The following TNIP2 variants were observed in gnomAD, a reference collection of about 807,000 sequenced individuals.
The protein encoded by TNIP2 is TNFAIP3 interacting protein 2, also known as TNFAIP3-interacting protein 2.
TNIP2 carries 30 observed loss-of-function variants against 43.7 expected under a neutral mutation model. That is an observed-to-expected ratio of 0.69 (90% CI 0.51 to 0.93). The LOEUF (loss-of-function observed/expected upper bound fraction) is 0.93. Ranked by LOEUF, TNIP2 falls within the 40% of genes least tolerant of loss-of-function variation. The probability of loss-of-function intolerance (pLI) is 0.00; values close to 1 mark genes in which losing one functional copy is unlikely to be tolerated. For missense variants in TNIP2, 599 were observed against 591.0 expected, an observed-to-expected ratio of 1.01 and a Z score of -0.14; for synonymous variants, 260 against 254.6, an observed-to-expected ratio of 1.02 and a Z score of -0.20.
At chr4:2,752,676 C>A (rs951012870) in intron 1 of TNIP2, among the ~76,000 whole-genome samples, 1 of 152,230 alleles carries the variant, frequency 6.6e-6, no homozygotes, top group Admixed American at 6.5e-5. Context: ...TGACAAACCT[C>A]TCCATTCTTC....
At chr4:2,745,057 C>A (rs1265774709) in intron 3 of TNIP2, 112 bp from the exon 4 acceptor site, 2 of 1,381,714 alleles carry the variant, frequency 1.4e-6, no homozygotes, top group African/African-American at 1.4e-5. Flanking sequence ...AGAGTTTCCT[C>A]TTAAATGGAA....
At chr4:2,752,846 C>A (rs904536799) in intron 1 of TNIP2, among the ~76,000 whole-genome samples, 1 of 152,100 alleles carries the variant, frequency 6.6e-6, no homozygotes, top group Non-Finnish European at 1.5e-5. Context: ...GAGTTTGAGA[C>A]CAGCTTGGGC....
At position 2,744,553 on chromosome 4, in the gene TNIP2, G is replaced by GCC; in HGVS notation, c.907-49_907-48dup. 6.2e-7 allele frequency: 1 copy of GCC among 1,611,210 alleles called. No homozygotes were observed. The highest frequency in any genetic ancestry group is 8.5e-7 in the Non-Finnish European group (1 of 1,178,650). Reference sequence around the variant, plus strand: ...ATTTCTGCTCAAGGAAGGAGGAAGCGCCCCACCAGGCTTCTCCCACCCCCA... The same window carrying GCC: ...ATTTCTGCTCAAGGAAGGAGGAAGCGCCCCCCACCAGGCTTCTCCCACCCCCA... On this transcript the variant is annotated intron_variant, in intron 4 of 5. Transcript: ENST00000315423. This position sits in a 1 kb window ranked among gnomAD's most constrained non-coding sequence, Gnocchi z 5.1.
chr4:2,746,691 C>T (rs992890338), intron 2 of TNIP2, among the ~76,000 whole-genome samples: 3 of 152,244 alleles, frequency 2.0e-5, no homozygotes, highest in Admixed American at 1.3e-4. Flanking sequence ...AACCTTGGTG[C>T]TGCCTCAGAG....
chr4:2,743,390 G>A lies in TNIP2; in HGVS notation c.1027-870C>T, dbSNP rs140081494. Among the ~76,000 whole-genome samples the A allele has an allele frequency of 9.2e-5, 14 of 152,280 alleles. No individual in the cohort carries two copies. The East Asian group carries it at 2.1e-3, about 23-fold the overall frequency. On this transcript the variant is annotated intron_variant, in intron 5 of 5. Transcript: ENST00000315423. ...AGAGGCGGCCTGAGACCATCCTCAC[G>A]ATTGTACCAATAGTGCTCCTTCAAT...
At chr4:2,748,405 C>T (rs947710842) in intron 1 of TNIP2, among the ~76,000 whole-genome samples, 1 of 151,962 alleles carries the variant, frequency 6.6e-6, no homozygotes, top group African/African-American at 2.4e-5. Flanking sequence ...TGCAGTGGAG[C>T]GATCTCAGCT....
At chr4:2,751,694 G>A (rs1471125702) in intron 1 of TNIP2, among the ~76,000 whole-genome samples, 1 of 150,900 alleles carries the variant, frequency 6.6e-6, no homozygotes, top group Non-Finnish European at 1.5e-5. Flanking sequence ...GATCACTTAA[G>A]CCCAGGAGGT....
Position 2,747,806 on chromosome 4 carries a change from G to A in TNIP2, c.416C>T (p.Ala139Val), listed in dbSNP as rs751268238. The A allele has an allele frequency of 7.4e-6, 12 of 1,612,818 alleles. No individual in the cohort carries two copies. The highest frequency in any genetic ancestry group is 9.3e-6 in the Non-Finnish European group (11 of 1,180,044). Residue 139 changes from alanine to valine, a missense_variant, in exon 2 of 6, where the codon GCC becomes GTC. Physicochemically the swap from Ala to Val is moderately conservative, Grantham distance 64 (BLOSUM62 0). Transcript: ENST00000315423. ...SMAEGERARAASDVLCRSLAN... is the reference protein window; with the variant it reads ...SMAEGERARAVSDVLCRSLAN... ...CAAGGAGCGGCACAGGACGTCACTG[G>A]CGGCCCGGGCGCGCTCCCCTTCTGC... is the stretch of plus-strand genomic sequence containing the variant.
chr4:2,742,293 T>C lies in TNIP2; in HGVS notation c.1254A>G (p.Glu418=). ...CLQCFSDEQG[E]ELLRHVAECC... is the part of the protein sequence containing the mutation. ...ACTCAGCCACATGCCTGAGGAGCTCTTCCCCTTGCTCGTCACTGAAGCACT... is the reference window on the plus strand; with the variant it reads ...ACTCAGCCACATGCCTGAGGAGCTCCTCCCCTTGCTCGTCACTGAAGCACT... Residue 418 remains glutamate, a synonymous_variant, in exon 6 of 6, where the codon GAA becomes GAG. Transcript: ENST00000315423. 1 of 1,514,562 alleles carries C rather than the reference T, an allele frequency of 6.6e-7. No individual in the cohort carries two copies. Among genetic ancestry groups the C allele is most frequent in the Non-Finnish European group, 8.9e-7 (1 of 1,126,854 alleles). The allele number at this position is 1,514,562 out of a possible 1,614,324, so 93.8% of individuals were successfully genotyped here.
chr4:2,753,728 T>C (rs1475515113), intron 1 of TNIP2, among the ~76,000 whole-genome samples: 2 of 152,224 alleles, frequency 1.3e-5, no homozygotes, highest in Non-Finnish European at 2.9e-5. Context: ...TCCGGGTCCT[T>C]GGTCTGTACT....
At chr4:2,746,340 G>C (rs1015973161) in intron 2 of TNIP2, among the ~76,000 whole-genome samples, 1 of 152,214 alleles carries the variant, frequency 6.6e-6, no homozygotes, top group African/African-American at 2.4e-5. Context: ...GGGCTGAGAA[G>C]TGACACTTAT....
chr4:2,755,840 C>G, intron 1 of TNIP2, 174 bp downstream of exon 1: 1 of 931,196 alleles, frequency 1.1e-6, no homozygotes, highest in Non-Finnish European at 1.4e-6. Flanking sequence ...ACCCCCTCAA[C>G]TCCCAGGACC....
intron 2 of TNIP2, among the ~76,000 whole-genome samples, chr4:2,746,824 C>T (rs186553057): frequency 1.3e-5 from 2 of 152,374 alleles, no homozygotes; most frequent in South Asian, 2.1e-4. Context: ...ACACAGACCA[C>T]CACAAGCACC....
At position 2,748,773 on chromosome 4, in the gene TNIP2, C is replaced by T. The variant is rs530462186; in HGVS notation, c.277-828G>A. Among the ~76,000 whole-genome samples the T allele has an allele frequency of 4.0e-5, 6 of 149,790 alleles. No homozygotes were observed. The South Asian group carries it at 8.4e-4, about 21-fold the overall frequency. ...CCTCCCAAAGTACTGGGATTATAGG[C>T]GTGAGCCACTGCGCCCAGCAATTTT... On this transcript the variant is annotated intron_variant, in intron 1 of 5. Coordinates refer to ENST00000315423, the MANE Select transcript of TNIP2 (RefSeq NM_024309.4).
At position 2,742,458 on chromosome 4, in the gene TNIP2, G is replaced by A. The variant is rs745785437; in HGVS notation, c.1089C>T (p.Ala363=). The A allele has an allele frequency of 1.6e-5, 26 of 1,609,966 alleles. No homozygotes were observed. Among genetic ancestry groups the A allele is most frequent in the Admixed American group, 6.7e-5 (4 of 59,508 alleles). Residue 363 remains alanine, a synonymous_variant, in exon 6 of 6, where the codon GCC becomes GCT. Coordinates refer to ENST00000315423, the MANE Select transcript of TNIP2 (RefSeq NM_024309.4). ...HAGSKTAKYL[A]ADALELMVPG... ...GCACCATAAGCTCTAATGCGTCGGC[G>A]GCCAAATACTTGGCAGTTTTGCTCC...
At position 2,747,649 on chromosome 4, in the gene TNIP2, G is replaced by C. The variant is rs1483396515; in HGVS notation, c.567+6C>G. The C allele has an allele frequency of 1.0e-5, 16 of 1,593,006 alleles. No individual in the cohort carries two copies. Among genetic ancestry groups the C allele is most frequent in the Non-Finnish European group, 1.4e-5 (16 of 1,175,696 alleles). On this transcript the variant is annotated splice_donor_region_variant and intron_variant, in intron 2 of 5. Transcript: ENST00000315423. ...TTCCCCACACTCTGCTTACACTGTGGCCTACCTGGTCAGGACTTCTCTCCC... is the reference window on the plus strand; with the variant it reads ...TTCCCCACACTCTGCTTACACTGTGCCCTACCTGGTCAGGACTTCTCTCCC...
At chr4:2,743,841 G>A (rs1293524349) in intron 5 of TNIP2, among the ~76,000 whole-genome samples, 1 of 152,166 alleles carries the variant, frequency 6.6e-6, no homozygotes, top group Non-Finnish European at 1.5e-5. Context: ...AGAGGCCATG[G>A]GTCACACACT....
chr4:2,745,215 C>T (rs1049336879), intron 3 of TNIP2: 1 of 605,582 alleles, frequency 1.7e-6, no homozygotes, highest in African/African-American at 1.9e-5. Context: ...CTGCTGCTAA[C>T]TCTTGCATCT....
At position 2,756,194 on chromosome 4, in the gene TNIP2, G is replaced by A. The variant is rs1043806932; in HGVS notation, c.96C>T (p.Arg32=). 3 of 1,475,666 alleles carry A rather than the reference G, an allele frequency of 2.0e-6. No homozygotes were observed. Among genetic ancestry groups the A allele is most frequent in the South Asian group, 2.6e-5 (2 of 78,100 alleles). The allele number at this position is 1,475,666 out of a possible 1,614,324, so 91.4% of individuals were successfully genotyped here. ...GGGCAGCGAGCTGGTCCTGCAGGCG[G>A]CGCAGCCGCTGTCCGGCCTCGTGGT... ...TLYHEAGQRL[R]RLQDQLAARD... is the part of the protein sequence containing the mutation. The change falls in exon 1 of 6, where the codon CGC becomes CGT. Residue 32 remains arginine (R), a synonymous_variant. Coordinates refer to ENST00000315423, the MANE Select transcript of TNIP2 (RefSeq NM_024309.4).
Sources: allele counts gnomAD v4.1 joint callset (sites outside exome capture counted in the v4.1 genomes callset), GRCh38; gene constraint gnomAD v4.1.1; non-coding constraint Gnocchi (gnomAD v3.1); transcripts MANE v1.5; gene names NCBI Gene and HGNC (gene_info 2026-07-23, HGNC 2026-07-21).